Variants in SPDYA observed in about 807,000 individuals in gnomAD.
SPDYA encodes speedy protein A.
In SPDYA, 11 loss-of-function variants were observed where a neutral mutation model predicts 36.7. The observed-to-expected ratio is 0.30, with a 90% CI of 0.19 to 0.50. The LOEUF is 0.50. SPDYA is among the 20% of genes least tolerant of loss of function. The pLI is 0.98. For missense variants in SPDYA, 287 were observed against 370.9 expected (o/e 0.77, Z 1.86); for synonymous variants, 115 against 118.7 (o/e 0.97, Z 0.20).
At chr2:28,832,339 G>T (rs1033316629) in intron 6 of SPDYA, among the ~76,000 whole-genome samples, 16 of 152,074 alleles carry the variant, frequency 1.1e-4, no homozygotes, top group Non-Finnish European at 1.9e-4. Context: ...AGGATACCAG[G>T]TTTTTTTCAG....
chr2:28,833,272 T>C (rs1264333115), intron 6 of SPDYA, among the ~76,000 whole-genome samples: 1 of 152,190 alleles, frequency 6.6e-6, no homozygotes, highest in Non-Finnish European at 1.5e-5. Context: ...TGGTCCTACA[T>C]GGTCTATCAG....
At chr2:28,842,735 T>C (rs960664537) in intron 7 of SPDYA, among the ~76,000 whole-genome samples, 6 of 152,198 alleles carry the variant, frequency 3.9e-5, no homozygotes, top group Admixed American at 1.3e-4. Flanking sequence ...AAAGTATTGA[T>C]TGTACACATA....
chr2:28,848,902 TG>T (rs1668957993), intron 7 of SPDYA, among the ~76,000 whole-genome samples: 1 of 152,010 alleles, frequency 6.6e-6, no homozygotes, highest in Non-Finnish European at 1.5e-5. Flanking sequence ...AAAAATTGGC[TG>T]GGCGTGGTGG....
At chr2:28,817,741 C>T (rs530458597) in intron 3 of SPDYA, among the ~76,000 whole-genome samples, 2 of 146,130 alleles carry the variant, frequency 1.4e-5, no homozygotes, top group South Asian at 4.4e-4. Flanking sequence ...ATCCCAGCTA[C>T]TTGGGAGGCG....
At chr2:28,812,845 G>A (rs545162563) in intron 1 of SPDYA, among the ~76,000 whole-genome samples, 49 of 95,148 alleles carry the variant, frequency 5.1e-4, no homozygotes, top group Non-Finnish European at 7.8e-4. Context: ...CGACAAGAGC[G>A]AAACTCCGTC....
intron 4 of SPDYA, among the ~76,000 whole-genome samples, chr2:28,820,803 G>T (rs1320224147): frequency 6.6e-6 from 1 of 152,122 alleles, no homozygotes; most frequent in Non-Finnish European, 1.5e-5. Flanking sequence ...AAGTACTGGG[G>T]TGAAGATTTT....
chr2:28,826,026 C>T (rs1030552052), intron 5 of SPDYA, among the ~76,000 whole-genome samples: 1 of 152,120 alleles, frequency 6.6e-6, no homozygotes, highest in Non-Finnish European at 1.5e-5. Context: ...AGCTGCACAC[C>T]TGGCCTTCTG....
intron 7 of SPDYA, 60 bp downstream of exon 7, chr2:28,840,529 A>G (rs1039085317): frequency 4.5e-6 from 7 of 1,559,818 alleles, no homozygotes; most frequent in African/African-American, 1.4e-5. Flanking sequence ...AGCTCTAGTC[A>G]GTCCTTTCTG....
In SPDYA at chr2:28,850,288, G is replaced by GA. The variant is rs757889109; in HGVS notation, c.*353dup. ...CATAAAGTCATTATATTAATTAAAA[G>GA]AAAAAACACCATTTAATATGTTCTG... On this transcript the variant is annotated 3_prime_UTR_variant, in exon 8 of 8. Coordinates refer to ENST00000334056, the MANE Select transcript of SPDYA (RefSeq NM_182756.4). 15 of 1,601,318 alleles carry GA rather than the reference G, an allele frequency of 9.4e-6. No homozygotes were observed. The South Asian group carries it at 1.0e-4, about 11-fold the overall frequency.
Position 28,850,508 on chromosome 2 carries a change from CTTTA to C in SPDYA, c.*575_*578del, listed in dbSNP as rs201489222. On this transcript the variant is annotated 3_prime_UTR_variant, in exon 8 of 8. Transcript: ENST00000334056. ...TTACTCTCTTTATTGTAAGTTTTTT[CTTTA>C]TTTATTTCCTTGCATATGTTTTAGA... The C allele has an allele frequency of 1.2e-3, 893 of 755,960 alleles. 9 individuals carry two copies. In the African/African-American group the frequency reaches 0.013, roughly 11 times the overall value. 46.8% of individuals were successfully genotyped at this position (755,960 alleles called of 1,614,324 possible).
chr2:28,817,443 C>T (rs1001849716), intron 3 of SPDYA, among the ~76,000 whole-genome samples: 1 of 152,124 alleles, frequency 6.6e-6, no homozygotes, highest in African/African-American at 2.4e-5. Flanking sequence ...TGCCTGTAAT[C>T]CCAGCTACTT....
chr2:28,843,693 C>T (rs934728647), intron 7 of SPDYA, among the ~76,000 whole-genome samples: 15 of 152,086 alleles, frequency 9.9e-5, no homozygotes, highest in Admixed American at 5.9e-4. Flanking sequence ...ATCCAACCCC[C>T]TAAGAAATCT....
chr2:28,840,621 T>G, intron 7 of SPDYA, 152 bp downstream of exon 7: 1 of 1,405,874 alleles, frequency 7.1e-7, no homozygotes, highest in Non-Finnish European at 9.2e-7. Flanking sequence ...AGTTACTTTT[T>G]GTCTTGTGTC....
At chr2:28,839,357 CATTT>C (rs1366515986) in intron 6 of SPDYA, among the ~76,000 whole-genome samples, 6 of 142,102 alleles carry the variant, frequency 4.2e-5, no homozygotes, top group Admixed American at 7.4e-5. Context: ...CTAAAATAGA[CATTT>C]ATTATCTCCA....
chr2:28,839,794 G>GC (rs1668705706), intron 6 of SPDYA, among the ~76,000 whole-genome samples: 1 of 152,160 alleles, frequency 6.6e-6, no homozygotes, highest in African/African-American at 2.4e-5. Flanking sequence ...GAGCCACCGC[G>GC]CCCGGCCAAT....
chr2:28,850,470 G>T lies in SPDYA; in HGVS notation c.*529G>T. On this transcript the variant is annotated 3_prime_UTR_variant, in exon 8 of 8. Transcript: ENST00000334056. ...TATTTTCTATTTTTTTCACAAAACT[G>T]TTAAAATATGAGTTACTCTCTTTAT... 3 of 1,068,980 alleles carry T rather than the reference G, an allele frequency of 2.8e-6. No homozygotes were observed. Among genetic ancestry groups the T allele is most frequent in the East Asian group, 2.6e-5 (1 of 38,022 alleles). The allele number at this position is 1,068,980 out of a possible 1,614,324, so 66.2% of individuals were successfully genotyped here.
At chr2:28,823,063 C>T (rs1001419243) in intron 5 of SPDYA, among the ~76,000 whole-genome samples, 5 of 152,124 alleles carry the variant, frequency 3.3e-5, no homozygotes, top group Non-Finnish European at 7.3e-5. Context: ...TAGTAAAAAT[C>T]ACCATCATCA....
chr2:28,823,042 C>T (rs1558323695), intron 5 of SPDYA, among the ~76,000 whole-genome samples: 2 of 152,132 alleles, frequency 1.3e-5, no homozygotes, highest in South Asian at 4.1e-4. Flanking sequence ...CTGAAATTTT[C>T]AATTAATATA....
intron 3 of SPDYA, among the ~76,000 whole-genome samples, chr2:28,818,460 A>AG (rs1286794059): frequency 8.1e-6 from 1 of 123,472 alleles, no homozygotes; most frequent in African/African-American, 3.1e-5. Flanking sequence ...AAAAAAAAAA[A>AG]AGAGAAAGAG....
Sources: allele counts gnomAD v4.1 joint callset (sites outside exome capture counted in the v4.1 genomes callset), GRCh38; gene constraint gnomAD v4.1.1; transcripts MANE v1.5; gene names NCBI Gene and HGNC (gene_info 2026-07-23, HGNC 2026-07-21).